The following CLSTN2 variants were observed in gnomAD, a reference collection of about 807,000 sequenced individuals.
The protein encoded by CLSTN2 is calsyntenin 2, also known as calsyntenin-2.
CLSTN2 carries 48 observed loss-of-function variants against 101.2 expected under a neutral mutation model. That is an observed-to-expected ratio of 0.47 (90% CI 0.38 to 0.60). CLSTN2 has a LOEUF of 0.60. Ranked by LOEUF, CLSTN2 falls within the 20% of genes least tolerant of loss-of-function variation. The pLI is 0.00. For synonymous variants in CLSTN2, 481 were observed against 463.6 expected (o/e 1.04, Z -0.48); for missense variants, 1,160 against 1,238.2 (o/e 0.94, Z 0.95).
intron 8 of CLSTN2, among the ~76,000 whole-genome samples, chr3:140,520,104 T>C (rs75844545): frequency 0.053 from 8,074 of 152,268 alleles, 714 homozygotes; most frequent in African/African-American, 0.18. Flanking sequence ...GGGTTGGAAA[T>C]TCCTAAAGAA....
intron 1 of CLSTN2, among the ~76,000 whole-genome samples, chr3:140,170,743 G>T (rs1038622111): frequency 1.3e-5 from 2 of 152,162 alleles, no homozygotes; most frequent in Non-Finnish European, 2.9e-5. Context: ...CAGCAAGCAG[G>T]GTGGTAAGTC....
intron 8 of CLSTN2, among the ~76,000 whole-genome samples, chr3:140,480,577 C>A (rs1389035382): frequency 6.6e-6 from 1 of 152,068 alleles, no homozygotes; most frequent in Non-Finnish European, 1.5e-5. Flanking sequence ...GTAAAAGTGT[C>A]CCTATTTCTC....
chr3:139,935,317 G>A lies in CLSTN2; in HGVS notation c.-58G>A. 1 of 972,166 alleles carries A rather than the reference G, an allele frequency of 1.0e-6. No individual in the cohort carries two copies. Among genetic ancestry groups the A allele is most frequent in the Non-Finnish European group, 1.3e-6 (1 of 754,364 alleles). The allele number at this position is 972,166 out of a possible 1,614,324, so 60.2% of individuals were successfully genotyped here. A position where few individuals can be genotyped will look rare whatever the true frequency, so the allele number is the denominator to read the frequency against. ...CCCACGGTGCGGCAGGCACCGGGAGGCGAGAGCCGGCGCGGACAGTAGGCG... is the reference window on the plus strand; with the variant it reads ...CCCACGGTGCGGCAGGCACCGGGAGACGAGAGCCGGCGCGGACAGTAGGCG... On this transcript the variant is annotated 5_prime_UTR_variant, in exon 1 of 17. Coordinates refer to ENST00000458420, the MANE Select transcript of CLSTN2 (RefSeq NM_022131.3). This position sits in a 1 kb window ranked among gnomAD's most constrained non-coding sequence, Gnocchi z 5.5.
At chr3:140,515,291 A>AT (rs909965622) in intron 8 of CLSTN2, among the ~76,000 whole-genome samples, 22 of 149,182 alleles carry the variant, frequency 1.5e-4, no homozygotes, top group African/African-American at 5.6e-4. Context: ...TATCAGTTTT[A>AT]TTTTTTCCCC....
intron 1 of CLSTN2, among the ~76,000 whole-genome samples, chr3:140,043,723 A>G (rs1400103697): frequency 1.3e-4 from 20 of 152,324 alleles, no homozygotes; most frequent in Non-Finnish European, 2.5e-4. Context: ...GAAGGGATCC[A>G]GTTTCAGCTT....
At chr3:140,516,240 G>T (rs1934915099) in intron 8 of CLSTN2, among the ~76,000 whole-genome samples, 1 of 152,036 alleles carries the variant, frequency 6.6e-6, no homozygotes, top group African/African-American at 2.4e-5. Context: ...TGTTATGTGA[G>T]TTCCTTAAAG....
At chr3:140,193,412 A>G (rs545779652) in intron 2 of CLSTN2, among the ~76,000 whole-genome samples, 118 of 151,884 alleles carry the variant, frequency 7.8e-4, no homozygotes, top group Non-Finnish European at 1.4e-3. Context: ...TTTGCTGGAT[A>G]TAGGATTCTG....
At chr3:140,107,937 G>T (rs1424078420) in intron 1 of CLSTN2, among the ~76,000 whole-genome samples, 1 of 152,172 alleles carries the variant, frequency 6.6e-6, no homozygotes, top group Non-Finnish European at 1.5e-5. Flanking sequence ...CTTCTCTGAG[G>T]CAGCGCCTCC....
At chr3:140,547,382 G>C (rs565574586) in intron 10 of CLSTN2, among the ~76,000 whole-genome samples, 3 of 152,194 alleles carry the variant, frequency 2.0e-5, no homozygotes, top group African/African-American at 7.2e-5. Flanking sequence ...GCTGAGGCAG[G>C]AGAATCATTT....
intron 7 of CLSTN2, among the ~76,000 whole-genome samples, chr3:140,465,297 C>T (rs1333219524): frequency 2.0e-5 from 3 of 152,144 alleles, no homozygotes; most frequent in African/African-American, 4.8e-5. Flanking sequence ...CAAATATGGC[C>T]GCACAGCTCC....
chr3:140,220,352 G>A (rs1229257965), intron 2 of CLSTN2, among the ~76,000 whole-genome samples: 1 of 152,220 alleles, frequency 6.6e-6, no homozygotes, highest in African/African-American at 2.4e-5. Flanking sequence ...TGGGGGCAGA[G>A]AGTGCAAGTT....
chr3:140,006,160 C>T (rs1407843132), intron 1 of CLSTN2, among the ~76,000 whole-genome samples: 2 of 152,092 alleles, frequency 1.3e-5, no homozygotes, highest in South Asian at 2.1e-4. Flanking sequence ...ATGGGTCCCA[C>T]GGTGTTAATA....
rs1985602881 is a variant in CLSTN2 at position 140,572,955 on chromosome 3, C to T, written c.*6702C>T. On this transcript the variant is annotated 3_prime_UTR_variant, in exon 17 of 17. Coordinates refer to ENST00000458420, the MANE Select transcript of CLSTN2 (RefSeq NM_022131.3). ...AGGAACCTTGGTCCTAGTCCGCATC[C>T]TTCACCTGCCCTTGGGCATGAGACA... The T allele has an allele frequency of 6.6e-6, 1 of 152,542 alleles. No individual in the cohort carries two copies. The highest frequency in any genetic ancestry group is 6.5e-5 in the Admixed American group (1 of 15,300). 9.4% of individuals were successfully genotyped at this position (152,542 alleles called of 1,614,324 possible).
In CLSTN2 at chr3:140,135,115, CACATATATATATATAT is replaced by C. The variant is rs1156871861; in HGVS notation, c.110-40834_110-40819del. ...ACACACACACACACACACACACACA[CACATATATATATATAT>C]ATATATATATATATATATATATATA... is the stretch of plus-strand genomic sequence containing the variant. On this transcript the variant is annotated intron_variant, in intron 1 of 16. Coordinates refer to ENST00000458420, the MANE Select transcript of CLSTN2 (RefSeq NM_022131.3). Among the ~76,000 whole-genome samples, 281 of 52,026 alleles carry C rather than the reference CACATATATATATATAT, an allele frequency of 5.4e-3. 2 individuals carry two copies. The highest frequency in any genetic ancestry group is 0.026 in the African/African-American group (267 of 10,226). The allele number at this position is 52,026 out of a possible 152,430, so 34.1% of individuals were successfully genotyped here.
chr3:140,147,688 C>G (rs1275640542), intron 1 of CLSTN2, among the ~76,000 whole-genome samples: 1 of 152,150 alleles, frequency 6.6e-6, no homozygotes, highest in Non-Finnish European at 1.5e-5. Flanking sequence ...TTTCTCTGCA[C>G]CAGACTAGAT....
chr3:140,438,648 T>C (rs2088712991), intron 5 of CLSTN2, among the ~76,000 whole-genome samples: 1 of 152,156 alleles, frequency 6.6e-6, no homozygotes, highest in African/African-American at 2.4e-5. Flanking sequence ...TTTACACTAA[T>C]AATACATTTG....
chr3:140,057,233 G>T (rs531780307), intron 1 of CLSTN2, among the ~76,000 whole-genome samples: 1 of 152,328 alleles, frequency 6.6e-6, no homozygotes, highest in Non-Finnish European at 1.5e-5. Context: ...AGCTGTAACT[G>T]CTGGAGCTGA....
intron 8 of CLSTN2, among the ~76,000 whole-genome samples, chr3:140,527,114 A>G (rs1324414815): frequency 6.6e-6 from 1 of 152,210 alleles, no homozygotes; most frequent in Non-Finnish European, 1.5e-5. Flanking sequence ...GGGCTTCTTC[A>G]TAGCAAAAGA....
At chr3:140,055,747 G>A (rs2008084778) in intron 1 of CLSTN2, among the ~76,000 whole-genome samples, 1 of 152,188 alleles carries the variant, frequency 6.6e-6, no homozygotes, top group Admixed American at 6.5e-5. Flanking sequence ...ATCTTAGAAA[G>A]GCGCTAACAG....
Sources: allele counts gnomAD v4.1 joint callset (sites outside exome capture counted in the v4.1 genomes callset), GRCh38; gene constraint gnomAD v4.1.1; non-coding constraint Gnocchi (gnomAD v3.1); transcripts MANE v1.5; gene names NCBI Gene and HGNC (gene_info 2026-07-23, HGNC 2026-07-21).